Variants in MAP3K5 observed in about 807,000 individuals in gnomAD.
The protein encoded by MAP3K5 is mitogen-activated protein kinase kinase kinase 5.
A neutral mutation model predicts 158.7 loss-of-function variants in MAP3K5; 56 were observed. The ratio of observed to expected loss-of-function variants is 0.35; its 90% CI spans 0.28 to 0.44. The LOEUF (loss-of-function observed/expected upper bound fraction) is 0.44, where lower values mean the gene tolerates loss of function less well. MAP3K5 is among the 20% of genes least tolerant of loss of function. The pLI, the probability that MAP3K5 is intolerant of heterozygous loss-of-function variation, is 1.00. For missense variants in MAP3K5, 1,294 were observed against 1,674.8 expected (o/e 0.77, Z 3.97); for synonymous variants, 579 against 601.7 (o/e 0.96, Z 0.55).
intron 15 of MAP3K5, among the ~76,000 whole-genome samples, chr6:136,619,996 G>A (rs539687677): frequency 5.9e-5 from 9 of 152,350 alleles, no homozygotes; most frequent in East Asian, 1.9e-4. Flanking sequence ...ACGGCCTGGC[G>A]TGGTGGCTCA....
rs550917872 is a variant in MAP3K5, at chr6:136,762,008, CACCAACCAAATATTAGAAA to C, written c.448+29683_448+29701del. 4.1e-3 allele frequency among the ~76,000 whole-genome samples: 621 copies of C among 152,286 alleles called. 5 individuals carry two copies. Among genetic ancestry groups the C allele is most frequent in the African/African-American group, 0.014 (592 of 41,556 alleles). ...AATTAAAATGAGTAGAGCGTCTGTT[CACCAACCAAATATTAGAAA>C]AAGGAAACAACATAATCTTGAAATG... On this transcript the variant is annotated intron_variant, in intron 1 of 29. Coordinates refer to ENST00000359015, the MANE Select transcript of MAP3K5 (RefSeq NM_005923.4).
intron 1 of MAP3K5, among the ~76,000 whole-genome samples, chr6:136,775,041 A>T (rs1475863005): frequency 6.6e-6 from 1 of 152,230 alleles, no homozygotes; most frequent in African/African-American, 2.4e-5. Context: ...GAATCCTTAA[A>T]GCAAATCAAA....
chr6:136,730,161 T>TG (rs201533538), intron 1 of MAP3K5, among the ~76,000 whole-genome samples: 2,810 of 139,214 alleles, frequency 0.02, 60 homozygotes, highest in African/African-American at 0.055. Flanking sequence ...TTGTTTTTTT[T>TG]TTTTTGTTTT....
intron 1 of MAP3K5, among the ~76,000 whole-genome samples, chr6:136,724,921 T>G (rs1781903160): frequency 6.6e-6 from 1 of 152,172 alleles, no homozygotes; most frequent in Non-Finnish European, 1.5e-5. Flanking sequence ...ATGCTGCCCT[T>G]TTGAGGTTAG....
chr6:136,751,422 T>A (rs1783203917), intron 1 of MAP3K5, among the ~76,000 whole-genome samples: 1 of 152,202 alleles, frequency 6.6e-6, no homozygotes, highest in South Asian at 2.1e-4. Flanking sequence ...TATGAGAACT[T>A]TGGTCAAATC....
chr6:136,691,367 T>A (rs1220696591), intron 7 of MAP3K5, among the ~76,000 whole-genome samples: 1 of 152,158 alleles, frequency 6.6e-6, no homozygotes, highest in African/African-American at 2.4e-5. Flanking sequence ...TCCCAGCACT[T>A]CAGGAGGCCG....
chr6:136,720,648 C>T (rs1781710622), intron 1 of MAP3K5, 59 bp from the exon 2 acceptor site: 8 of 1,359,432 alleles, frequency 5.9e-6, no homozygotes, highest in African/African-American at 1.5e-5. Flanking sequence ...CCAATCAGCA[C>T]ATTTTGGTTT....
intron 1 of MAP3K5, among the ~76,000 whole-genome samples, chr6:136,762,299 G>A (rs1185166111): frequency 1.3e-5 from 2 of 152,196 alleles, no homozygotes; most frequent in Non-Finnish European, 2.9e-5. Flanking sequence ...CAGAGCTCCT[G>A]ACTTTGTACG....
intron 9 of MAP3K5, among the ~76,000 whole-genome samples, chr6:136,658,305 C>CTTTTTTTTTTTTTTTTTTTTT (rs201524930): frequency 8.9e-6 from 1 of 112,236 alleles, no homozygotes; most frequent in African/African-American, 3.5e-5. Flanking sequence ...TTCTTTCTTT[C>CTTTTTTTTTTTTTTTTTTTTT]TTTCTTTCTT....
intron 7 of MAP3K5, among the ~76,000 whole-genome samples, chr6:136,674,295 C>T (rs1779609448): frequency 6.6e-6 from 1 of 151,924 alleles, no homozygotes; most frequent in Non-Finnish European, 1.5e-5. Flanking sequence ...AAATATGTGA[C>T]TAGATCTAAA....
chr6:136,767,301 G>T (rs1053104969), intron 1 of MAP3K5, among the ~76,000 whole-genome samples: 3 of 149,904 alleles, frequency 2.0e-5, no homozygotes, highest in African/African-American at 7.4e-5. Flanking sequence ...AAGGAGCAAA[G>T]AAATAAAGGA....
chr6:136,592,861 G>C, intron 21 of MAP3K5: 4 of 549,334 alleles, frequency 7.3e-6, no homozygotes, highest in Non-Finnish European at 1.0e-5. Context: ...TACCAAAACA[G>C]TCAAGGAAGC....
At chr6:136,628,914 G>A (rs1339866277) in intron 14 of MAP3K5, among the ~76,000 whole-genome samples, 1 of 152,214 alleles carries the variant, frequency 6.6e-6, no homozygotes, top group Non-Finnish European at 1.5e-5. Flanking sequence ...TAGAAGGACA[G>A]AGAATCATCT....
rs1402924130 is a variant in MAP3K5 at position 136,697,208 on chromosome 6, C to T, written c.975+11G>A. The T allele has an allele frequency of 3.7e-6, 6 of 1,603,812 alleles. No homozygotes were observed. The highest frequency in any genetic ancestry group is 5.1e-6 in the Non-Finnish European group (6 of 1,173,884). Reference sequence around the variant, plus strand: ...TACACAACAAAGATTTCACTTTAAACATCTTCTCACCTGGATATCTCTGTA... The same window carrying T: ...TACACAACAAAGATTTCACTTTAAATATCTTCTCACCTGGATATCTCTGTA... On this transcript the variant is annotated intron_variant, in intron 5 of 29. Coordinates refer to ENST00000359015, the MANE Select transcript of MAP3K5 (RefSeq NM_005923.4).
At chr6:136,730,019 C>A (rs999732405) in intron 1 of MAP3K5, among the ~76,000 whole-genome samples, 1 of 152,234 alleles carries the variant, frequency 6.6e-6, no homozygotes, top group East Asian at 1.9e-4. Flanking sequence ...GTCTTCCAGG[C>A]TGGAGTGCAG....
chr6:136,756,502 G>A (rs1783494177), intron 1 of MAP3K5, among the ~76,000 whole-genome samples: 1 of 152,152 alleles, frequency 6.6e-6, no homozygotes, highest in Admixed American at 6.5e-5. Context: ...AGGCTGGAGT[G>A]CAGTGGCGCA....
chr6:136,575,377 T>C (rs1402443418), intron 25 of MAP3K5, among the ~76,000 whole-genome samples: 1 of 151,702 alleles, frequency 6.6e-6, no homozygotes, highest in Non-Finnish European at 1.5e-5. Context: ...CTGCCTGGGG[T>C]GATCTCAAAC....
intron 20 of MAP3K5, 96 bp downstream of exon 20, chr6:136,601,706 C>A: frequency 9.4e-7 from 1 of 1,064,670 alleles, no homozygotes; most frequent in Non-Finnish European, 1.4e-6. Flanking sequence ...CCAGTGATAT[C>A]TGTAAACAGG....
intron 7 of MAP3K5, among the ~76,000 whole-genome samples, chr6:136,685,041 C>G (rs62422104): frequency 6.6e-6 from 1 of 152,008 alleles, no homozygotes; most frequent in Non-Finnish European, 1.5e-5. Flanking sequence ...ACCAGCCAGG[C>G]GCGGTGGCTC....
Sources: allele counts gnomAD v4.1 joint callset (sites outside exome capture counted in the v4.1 genomes callset), GRCh38; gene constraint gnomAD v4.1.1; transcripts MANE v1.5; gene names NCBI Gene and HGNC (gene_info 2026-07-23, HGNC 2026-07-21).